Variants in KIAA1217 observed in about 807,000 individuals in gnomAD.
KIAA1217 encodes the protein KIAA1217, also known as sickle tail protein homolog.
KIAA1217 carries 88 observed loss-of-function variants against 163.9 expected under a neutral mutation model. The observed-to-expected ratio is 0.54, with a 90% CI of 0.45 to 0.64. KIAA1217 has a LOEUF of 0.64. Ranked by LOEUF, KIAA1217 falls within the 30% of genes least tolerant of loss-of-function variation. The pLI is 0.00. For missense variants in KIAA1217, 2,372 were observed against 2,475.0 expected (o/e 0.96, Z 0.88); for synonymous variants, 903 against 923.1 (o/e 0.98, Z 0.39).
chr10:23,727,242 C>T (rs574827123), intron 1 of KIAA1217, among the ~76,000 whole-genome samples: 8 of 152,090 alleles, frequency 5.3e-5, no homozygotes, highest in South Asian at 4.1e-4. Context: ...CCACCCCTCT[C>T]GGCCTCCCAG....
chr10:24,067,526 G>A lies in KIAA1217; in HGVS notation c.-171+60152G>A, dbSNP rs1189805832. On this transcript the variant is annotated intron_variant, in intron 2 of 18. Transcript: ENST00000376462. The stretch of plus-strand genomic sequence containing the variant: ...GAAGTTTTGTCTCAGAGGAGTACCC[G>A]GCCATGGGAGGTGTCAGTCCGCCCC... Among the ~76,000 whole-genome samples the A allele has an allele frequency of 5.3e-5, 8 of 152,160 alleles. No individual in the cohort carries two copies. The South Asian group carries it at 1.2e-3, about 24-fold the overall frequency.
chr10:24,210,153 G>A (rs1318496931), intron 1 of KIAA1217, among the ~76,000 whole-genome samples: 2 of 152,002 alleles, frequency 1.3e-5, no homozygotes, highest in African/African-American at 2.4e-5. Context: ...AGTGCTGTGC[G>A]TGGGAGTAGG....
At chr10:24,366,598 T>A (rs1400668576) in intron 2 of KIAA1217, among the ~76,000 whole-genome samples, 1 of 152,200 alleles carries the variant, frequency 6.6e-6, no homozygotes, top group Non-Finnish European at 1.5e-5. Context: ...ACAGTGTGGA[T>A]CTTCTGTTCC....
intron 9 of KIAA1217, among the ~76,000 whole-genome samples, chr10:24,508,185 G>A (rs894982258): frequency 6.6e-6 from 1 of 152,076 alleles, no homozygotes; most frequent in African/African-American, 2.4e-5. Context: ...TTATCCTGGG[G>A]TTTTATTCCA....
At chr10:24,469,634 CAG>C (rs1164791067) in intron 5 of KIAA1217, among the ~76,000 whole-genome samples, 1 of 151,870 alleles carries the variant, frequency 6.6e-6, no homozygotes, top group African/African-American at 2.4e-5. Context: ...TTGATTGAGA[CAG>C]AGTCTCACTT....
At chr10:23,936,466 G>A (rs749422245) in intron 1 of KIAA1217, among the ~76,000 whole-genome samples, 24 of 152,304 alleles carry the variant, frequency 1.6e-4, no homozygotes, top group Non-Finnish European at 1.9e-4. Context: ...TGATGAAGTC[G>A]TAGTGGATTA....
chr10:23,986,356 G>T (rs569018230), intron 1 of KIAA1217, among the ~76,000 whole-genome samples: 1 of 152,296 alleles, frequency 6.6e-6, no homozygotes, highest in African/African-American at 2.4e-5. Flanking sequence ...TTTCAGTGGG[G>T]AATTTGTTCC....
chr10:24,490,424 T>G (rs369182890), intron 6 of KIAA1217, among the ~76,000 whole-genome samples: 2 of 152,342 alleles, frequency 1.3e-5, no homozygotes, highest in East Asian at 3.9e-4. Context: ...CCTTTCAACT[T>G]TAAAACACAC....
intron 2 of KIAA1217, among the ~76,000 whole-genome samples, chr10:24,310,498 G>A (rs868252249): frequency 6.6e-6 from 1 of 152,200 alleles, no homozygotes; most frequent in African/African-American, 2.4e-5. Context: ...TTCTTGCAAA[G>A]TTTTAGTAAA....
intron 1 of KIAA1217, among the ~76,000 whole-genome samples, chr10:23,844,703 T>G (rs947167798): frequency 1.6e-4 from 24 of 151,922 alleles, no homozygotes; most frequent in African/African-American, 5.8e-4. Context: ...TCCTCTTTTC[T>G]TTTCTTTTTT....
rs58982993 is a variant in KIAA1217 at position 24,335,584 on chromosome 10, T to TTTTATTTATTTATTTATTTA, written c.355-45262_355-45243dup. On this transcript the variant is annotated intron_variant, in intron 2 of 20. Transcript: ENST00000376454. The stretch of plus-strand genomic sequence containing the variant: ...CTTTATTTTATTTAATTTTATCTTA[T>TTTTATTTATTTATTTATTTA]TTTATTTATTTATTTATTTATTTAT... 1.0e-3 allele frequency among the ~76,000 whole-genome samples: 144 copies of TTTTATTTATTTATTTATTTA among 138,424 alleles called. 2 individuals carry two copies. Among genetic ancestry groups the TTTTATTTATTTATTTATTTA allele is most frequent in the African/African-American group, 3.2e-3 (118 of 36,626 alleles). The allele number at this position is 138,424 out of a possible 152,430, so 90.8% of individuals were successfully genotyped here.
chr10:24,105,642 G>T (rs1338487646), intron 2 of KIAA1217, among the ~76,000 whole-genome samples: 3 of 152,150 alleles, frequency 2.0e-5, no homozygotes, highest in Non-Finnish European at 4.4e-5. Flanking sequence ...GAGCTTAGTG[G>T]GTCCTCTGTG....
intron 14 of KIAA1217, among the ~76,000 whole-genome samples, chr10:24,531,037 A>G (rs1326307604): frequency 4.6e-5 from 7 of 152,006 alleles, no homozygotes; most frequent in East Asian, 1.9e-4. Flanking sequence ...CTGTAAAAAA[A>G]AAAAGAAAAG....
At chr10:23,741,252 A>G (rs1427303191) in intron 1 of KIAA1217, among the ~76,000 whole-genome samples, 1 of 152,080 alleles carries the variant, frequency 6.6e-6, no homozygotes. Context: ...GGAAAAAGTG[A>G]GGTGAGGGGT....
chr10:24,490,499 A>G (rs1156759982), intron 6 of KIAA1217, among the ~76,000 whole-genome samples: 1 of 152,256 alleles, frequency 6.6e-6, no homozygotes, highest in Non-Finnish European at 1.5e-5. Flanking sequence ...TACTTAAACC[A>G]TAAAATTGTT....
intron 1 of KIAA1217, among the ~76,000 whole-genome samples, chr10:23,852,755 G>A (rs1415114490): frequency 1.3e-5 from 2 of 152,084 alleles, no homozygotes; most frequent in East Asian, 1.9e-4. Flanking sequence ...GGATTCCTAG[G>A]TATTTTATTC....
intron 3 of KIAA1217, among the ~76,000 whole-genome samples, chr10:24,407,205 G>A (rs1196590533): frequency 2.0e-5 from 3 of 152,116 alleles, no homozygotes; most frequent in East Asian, 1.9e-4. Context: ...ATGTTTAATC[G>A]TTGGTGATGA....
rs34396312 is a variant in KIAA1217, at chr10:24,360,040, CTTTTTTTTTTTTTT to C, written c.355-20818_355-20805del. 3.2e-5 allele frequency among the ~76,000 whole-genome samples: 3 copies of C among 94,290 alleles called. No individual in the cohort carries two copies. In the East Asian group the frequency reaches 1.1e-3, roughly 33 times the overall value. 61.9% of individuals were successfully genotyped at this position (94,290 alleles called of 152,430 possible). On this transcript the variant is annotated intron_variant, in intron 2 of 20. Transcript: ENST00000376454. ...ACTGTGTATCTTTAGGATATAATTA[CTTTTTTTTTTTTTT>C]TTTTTTTTTTGAGACAGACTCTTAC... is the stretch of plus-strand genomic sequence containing the variant.
At chr10:24,457,139 A>C (rs544555001) in intron 5 of KIAA1217, among the ~76,000 whole-genome samples, 5 of 152,272 alleles carry the variant, frequency 3.3e-5, no homozygotes, top group African/African-American at 1.2e-4. Flanking sequence ...ATTGTCACTT[A>C]TCTTCTGTCC....
Sources: gnomAD v4.1 joint callset for allele counts (sites outside exome capture counted in the v4.1 genomes callset) on GRCh38, gnomAD v4.1.1 for gene constraint, MANE v1.5 for transcripts, NCBI Gene and HGNC (gene_info 2026-07-23, HGNC 2026-07-21) for gene names.